The following CLEC4A variants were observed in gnomAD, a reference collection of about 807,000 sequenced individuals.
CLEC4A encodes C-type (calcium dependent, carbohydrate-recognition domain) lectin, superfamily member 6.
Under a neutral mutation model 32.7 loss-of-function variants are expected in CLEC4A, and 27 were observed. The ratio of observed to expected loss-of-function variants is 0.83; its 90% CI spans 0.61 to 1.14. The LOEUF is 1.14. CLEC4A is among the 50% of genes most tolerant of loss of function. The pLI, the probability that CLEC4A is intolerant of heterozygous loss-of-function variation, is 0.00. For synonymous variants in CLEC4A, 89 were observed against 93.7 expected, an observed-to-expected ratio of 0.95 and a Z score of 0.29; for missense variants, 253 against 274.6, an observed-to-expected ratio of 0.92 and a Z score of 0.55.
upstream of CLEC4A, chr12:8,121,223 A>G (rs1947828030): frequency 6.6e-6 from 1 of 152,166 alleles, no homozygotes; most frequent in East Asian, 1.9e-4. Flanking sequence ...TAGTTTTAGG[A>G]ATATGGTTTG....
At chr12:8,104,219 T>C in the CLEC4A span, among the ~76,000 whole-genome samples, 1 of 152,058 alleles carries the variant, frequency 6.6e-6, no homozygotes, top group South Asian at 2.1e-4. Context: ...TCCATTACCT[T>C]AAATGTTTTC....
chr12:8,129,473 C>G (rs534882827), intron 3 of CLEC4A, 111 bp downstream of exon 3: 2 of 747,656 alleles, frequency 2.7e-6, no homozygotes, highest in Non-Finnish European at 4.5e-6. Context: ...TTGAGTCTCA[C>G]AATAATTTAA....
chr12:8,110,120 T>A, the CLEC4A span, among the ~76,000 whole-genome samples: 4 of 152,160 alleles, frequency 2.6e-5, 1 homozygote, highest in South Asian at 8.3e-4. Context: ...ACTGTCTTCT[T>A]ATCCTGTATT....
Position 8,138,436 on chromosome 12 carries a change from T to C in CLEC4A, c.*149T>C, listed in dbSNP as rs1207373127. 2.1e-5 allele frequency: 20 copies of C among 931,238 alleles called. No homozygotes were observed. Among genetic ancestry groups the C allele is most frequent in the Non-Finnish European group, 3.2e-5 (20 of 625,362 alleles). 57.7% of individuals were successfully genotyped at this position (931,238 alleles called of 1,614,324 possible). A position where few individuals can be genotyped will look rare whatever the true frequency, so the allele number is the denominator to read the frequency against. ...ACTTATGAGAGAATTGGTCTGTACATTGACTGATTCACTTTTTCATAAAGT... is the reference window on the plus strand; with the variant it reads ...ACTTATGAGAGAATTGGTCTGTACACTGACTGATTCACTTTTTCATAAAGT... On this transcript the variant is annotated 3_prime_UTR_variant, in exon 6 of 6. Transcript: ENST00000229332.
At chr12:8,129,068 T>C (rs1313443467) in intron 2 of CLEC4A, among the ~76,000 whole-genome samples, 196 bp from the exon 3 acceptor site, 1 of 152,152 alleles carries the variant, frequency 6.6e-6, no homozygotes, top group Non-Finnish European at 1.5e-5. Context: ...ATGGAACTGT[T>C]GTGTCCTCTT....
chr12:8,119,776 A>C (rs1947815734), upstream of CLEC4A, among the ~76,000 whole-genome samples: 1 of 152,142 alleles, frequency 6.6e-6, no homozygotes, highest in South Asian at 2.1e-4. Flanking sequence ...GCCAAATTTC[A>C]CAGGTTGAGG....
upstream of CLEC4A, among the ~76,000 whole-genome samples, chr12:8,122,605 T>C (rs979540090): frequency 2.0e-5 from 3 of 151,820 alleles, no homozygotes; most frequent in Non-Finnish European, 2.9e-5. Context: ...AGGTGGGAGA[T>C]TGACGACATC....
At chr12:8,120,239 G>T (rs944580972), upstream of CLEC4A, among the ~76,000 whole-genome samples, 1 of 152,122 alleles carries the variant, frequency 6.6e-6, no homozygotes, top group Non-Finnish European at 1.5e-5. Flanking sequence ...CACCTGGGCT[G>T]ATATAACATG....
chr12:8,106,703 G>A, the CLEC4A span, among the ~76,000 whole-genome samples: 2 of 151,776 alleles, frequency 1.3e-5, no homozygotes, highest in East Asian at 1.9e-4. Flanking sequence ...CAGCTTGGAC[G>A]TTGGATTTTT....
chr12:8,128,132 G>A (rs7312476), intron 2 of CLEC4A, among the ~76,000 whole-genome samples: 33,702 of 152,138 alleles, frequency 0.22, 4,164 homozygotes, highest in Non-Finnish European at 0.29. Context: ...CATTTTAAAA[G>A]AGGTGGATGG....
Position 8,129,294 on chromosome 12 carries a change from A to G in CLEC4A, c.230A>G (p.Glu77Gly), listed in dbSNP as rs748712405. ...TTTCAAAAATATTCTCAGCTTCTTG[A>G]AAAAAAGACTACAAAAGAGCTGGTT... ...IFFQKYSQLL[E>G]KKTTKELVHT... Residue 77 changes from glutamate (E) to glycine (G), a missense_variant, in exon 3 of 6, where the codon GAA (glutamate) becomes GGA (glycine). By Grantham distance (98) the Glu-to-Gly change is moderately conservative. Transcript: ENST00000229332. The G allele has an allele frequency of 8.7e-6, 14 of 1,602,366 alleles. No homozygotes were observed. The highest frequency in any genetic ancestry group is 1.1e-5 in the Non-Finnish European group (13 of 1,175,056).
At chr12:8,137,989 G>C in intron 5 of CLEC4A, 151 bp from the exon 6 acceptor site, 2 of 777,690 alleles carry the variant, frequency 2.6e-6, no homozygotes, top group Non-Finnish European at 4.0e-6. Flanking sequence ...TGCAGATGGA[G>C]GAGAAGCTGC....
chr12:8,126,165 T>C (rs1947897856), intron 2 of CLEC4A, among the ~76,000 whole-genome samples: 1 of 152,158 alleles, frequency 6.6e-6, no homozygotes, highest in African/African-American at 2.4e-5. Flanking sequence ...GATCTAAAAG[T>C]CAATTTTGCA....
the CLEC4A span, among the ~76,000 whole-genome samples, chr12:8,116,800 C>A: frequency 6.6e-6 from 1 of 152,134 alleles, no homozygotes; most frequent in Non-Finnish European, 1.5e-5. Context: ...ACTTCAGGCT[C>A]TCACTATACC....
At chr12:8,103,543 G>A in the CLEC4A span, among the ~76,000 whole-genome samples, 313 of 151,844 alleles carry the variant, frequency 2.1e-3, 1 homozygote, top group Non-Finnish European at 2.5e-3. Context: ...ACGCCACCAC[G>A]CCTGGCTAAT....
chr12:8,117,182 T>G, the CLEC4A span, among the ~76,000 whole-genome samples: 2 of 152,154 alleles, frequency 1.3e-5, no homozygotes, highest in East Asian at 3.8e-4. Flanking sequence ...GAAGCAACTA[T>G]TCTACTCTAC....
At chr12:8,118,814 G>A (rs1013294950), upstream of CLEC4A, among the ~76,000 whole-genome samples, 6 of 152,158 alleles carry the variant, frequency 3.9e-5, no homozygotes, top group African/African-American at 1.4e-4. Context: ...TAAGAGGTGG[G>A]CCCTTTTAGA....
rs1370396936 is a variant in CLEC4A, at chr12:8,136,783, C to A, written c.451-5C>A. On this transcript the variant is annotated splice_region_variant and splice_polypyrimidine_tract_variant and intron_variant, in intron 4 of 5. Coordinates refer to ENST00000229332, the MANE Select transcript of CLEC4A (RefSeq NM_016184.4). ...AGGCTGTGACTCCTTCTTTTCCCCC[C>A]TCAGGATTTCATCTTCCAGAATCTG... is the stretch of plus-strand genomic sequence containing the variant. 1 of 1,589,080 alleles carries A rather than the reference C, an allele frequency of 6.3e-7. No homozygotes were observed. Among genetic ancestry groups the A allele is most frequent in the East Asian group, 2.2e-5 (1 of 44,710 alleles).
rs139443103 is a variant in CLEC4A at position 8,123,788 on chromosome 12, A to G, written c.-91A>G. On this transcript the variant is annotated 5_prime_UTR_variant, in exon 1 of 6. Coordinates refer to ENST00000229332, the MANE Select transcript of CLEC4A (RefSeq NM_016184.4). ...CTAGTTGAGTGAAAGGAAGGAGGTAATTTACCACCATGTTTGGTTCCTGTT... is the reference window on the plus strand; with the variant it reads ...CTAGTTGAGTGAAAGGAAGGAGGTAGTTTACCACCATGTTTGGTTCCTGTT... The G allele has an allele frequency of 1.4e-4, 119 of 863,722 alleles. 1 individual carries two copies. The African/African-American group carries it at 1.6e-3, about 12-fold the overall frequency. The allele number at this position is 863,722 out of a possible 1,614,324, so 53.5% of individuals were successfully genotyped here.
Sources: allele counts gnomAD v4.1 joint callset (sites outside exome capture counted in the v4.1 genomes callset), GRCh38; gene constraint gnomAD v4.1.1; transcripts MANE v1.5; gene names NCBI Gene and HGNC (gene_info 2026-07-23, HGNC 2026-07-21).